The following VAMP3 variants were observed in gnomAD, a reference collection of about 807,000 sequenced individuals.
VAMP3 encodes vesicle-associated membrane protein 3.
In VAMP3, 11 loss-of-function variants were observed where a neutral mutation model predicts 18.1. The observed-to-expected ratio is 0.61, with a 90% CI of 0.38 to 1.00. The LOEUF is 1.00. Ranked by LOEUF, VAMP3 falls within the 50% of genes least tolerant of loss-of-function variation. VAMP3 has a pLI of 0.01. For missense variants in VAMP3, 122 were observed against 127.3 expected, an observed-to-expected ratio of 0.96 and a Z score of 0.20; for synonymous variants, 49 against 43.1, an observed-to-expected ratio of 1.14 and a Z score of -0.53.
chr1:7,773,534 A>G, intron 2 of VAMP3, 23 bp downstream of exon 2: 1 of 1,606,170 alleles, frequency 6.2e-7, no homozygotes, highest in African/African-American at 1.3e-5. Context: ...AATGTTGGAA[A>G]TATGAATTTT....
intron 4 of VAMP3, among the ~76,000 whole-genome samples, chr1:7,778,992 A>G (rs1395935215): frequency 3.3e-5 from 5 of 152,088 alleles, no homozygotes; most frequent in South Asian, 2.1e-4. Flanking sequence ...TCAGGAGATC[A>G]AGACCATCCT....
rs1169889315 is a variant in VAMP3 at position 7,781,349 on chromosome 1, C to T, written c.*1704C>T. The T allele has an allele frequency of 6.5e-6, 1 of 152,840 alleles. No homozygotes were observed. The allele number at this position is 152,840 out of a possible 1,614,324, so 9.5% of individuals were successfully genotyped here. On this transcript the variant is annotated 3_prime_UTR_variant, in exon 5 of 5. Coordinates refer to ENST00000054666, the MANE Select transcript of VAMP3 (RefSeq NM_004781.4). ...TGTAACCCACTGGCTCCTGCATTAA[C>T]CCAGAAATACCTCGCTTCTATCTGT...
At chr1:7,776,951 C>T (rs1420129272) in intron 2 of VAMP3, 6 of 367,298 alleles carry the variant, frequency 1.6e-5, no homozygotes, top group East Asian at 1.5e-4. Flanking sequence ...GGATTACAAG[C>T]GCCCAGCACC....
At position 7,771,363 on chromosome 1, in the gene VAMP3, G is replaced by A; in HGVS notation, c.-21G>A. 1 of 1,591,572 alleles carries A rather than the reference G, an allele frequency of 6.3e-7. No homozygotes were observed. Reference sequence around the variant, plus strand: ...CTGCTGACCCTCTCTCGTCGCCGCTGCCGCCGCCGCAGCTGCCAAAATGTG... The same window carrying A: ...CTGCTGACCCTCTCTCGTCGCCGCTACCGCCGCCGCAGCTGCCAAAATGTG... On this transcript the variant is annotated 5_prime_UTR_variant, in exon 1 of 5. Transcript: ENST00000054666.
At chr1:7,777,116 C>T (rs2097054662) in intron 2 of VAMP3, 44 bp from the exon 3 acceptor site, 1 of 1,571,150 alleles carries the variant, frequency 6.4e-7, no homozygotes, top group Non-Finnish European at 8.7e-7. Flanking sequence ...TGGCCCTGTT[C>T]CTCCATTCTT....
rs962835487 is a variant in VAMP3, at chr1:7,781,125, G to C, written c.*1480G>C. 6.5e-6 allele frequency: 1 copy of C among 152,808 alleles called. No individual in the cohort carries two copies. Among genetic ancestry groups the C allele is most frequent in the Non-Finnish European group, 1.5e-5 (1 of 68,054 alleles). 9.5% of individuals were successfully genotyped at this position (152,808 alleles called of 1,614,324 possible). The stretch of plus-strand genomic sequence containing the variant: ...AACAGCTGAGGCGCACCAGGACACA[G>C]CTTCCATTTCTTTAACGTCTGTTCC... On this transcript the variant is annotated 3_prime_UTR_variant, in exon 5 of 5. Transcript: ENST00000054666.
chr1:7,773,383 C>A, intron 1 of VAMP3, 59 bp from the exon 2 acceptor site: 1 of 1,420,022 alleles, frequency 7.0e-7, no homozygotes, highest in Non-Finnish European at 9.9e-7. Context: ...CATCTTTATA[C>A]TTAAGAAAAT....
chr1:7,771,862 C>T (rs2150364976), intron 1 of VAMP3, among the ~76,000 whole-genome samples: 1 of 152,370 alleles, frequency 6.6e-6, no homozygotes, highest in African/African-American at 2.4e-5. Context: ...GATCACTTAA[C>T]CGTGGGCCTT....
rs116988477 is a variant in VAMP3 at position 7,774,719 on chromosome 1, T to C, written c.72+1208T>C. 9.3e-4 allele frequency among the ~76,000 whole-genome samples: 141 copies of C among 152,388 alleles called. 1 individual carries two copies. In the East Asian group the frequency reaches 0.024, roughly 26 times the overall value. ...ACAAAGTTTTTTGCATTCATTCAAG[T>C]TGTAACGTGTTGTACCGTGTTCCTT... On this transcript the variant is annotated intron_variant, in intron 2 of 4. Coordinates refer to ENST00000054666, the MANE Select transcript of VAMP3 (RefSeq NM_004781.4).
chr1:7,771,368 C>T lies in VAMP3; in HGVS notation c.-16C>T, dbSNP rs1558351880. 5 of 1,593,088 alleles carry T rather than the reference C, an allele frequency of 3.1e-6. No individual in the cohort carries two copies. The highest frequency in any genetic ancestry group is 1.4e-5 in the African/African-American group (1 of 72,550). Reference sequence around the variant, plus strand: ...GACCCTCTCTCGTCGCCGCTGCCGCCGCCGCAGCTGCCAAAATGTGAGTGA... The same window carrying T: ...GACCCTCTCTCGTCGCCGCTGCCGCTGCCGCAGCTGCCAAAATGTGAGTGA... On this transcript the variant is annotated 5_prime_UTR_variant, in exon 1 of 5. Coordinates refer to ENST00000054666, the MANE Select transcript of VAMP3 (RefSeq NM_004781.4).
At position 7,771,332 on chromosome 1, in the gene VAMP3, G is replaced by C. The variant is rs1445806445; in HGVS notation, c.-52G>C. ...CTCCCTGGCCTCCGGTCCCAACTTC[G>C]CTTCTCTGCTGACCCTCTCTCGTCG... is the stretch of plus-strand genomic sequence containing the variant. On this transcript the variant is annotated 5_prime_UTR_variant, in exon 1 of 5. Coordinates refer to ENST00000054666, the MANE Select transcript of VAMP3 (RefSeq NM_004781.4). 1.3e-6 allele frequency: 2 copies of C among 1,593,562 alleles called. No homozygotes were observed. The highest frequency in any genetic ancestry group is 1.1e-5 in the South Asian group (1 of 89,756).
chr1:7,779,727 CCTA>C lies in VAMP3; in HGVS notation c.*85_*87del. The C allele has an allele frequency of 6.3e-7, 1 of 1,577,194 alleles. No homozygotes were observed. Among genetic ancestry groups the C allele is most frequent in the South Asian group, 1.2e-5 (1 of 86,628 alleles). On this transcript the variant is annotated 3_prime_UTR_variant, in exon 5 of 5. Transcript: ENST00000054666. ...AGAACCTGCTATATTATCAAGCTTACCTACTGTTATCTCTAAAATTTTTTTTGT... is the reference window on the plus strand; with the variant it reads ...AGAACCTGCTATATTATCAAGCTTACCTGTTATCTCTAAAATTTTTTTTGT...
chr1:7,774,509 G>GAA (rs1373072667), intron 2 of VAMP3, among the ~76,000 whole-genome samples: 3 of 152,066 alleles, frequency 2.0e-5, no homozygotes, highest in African/African-American at 7.2e-5. Flanking sequence ...TCCATTTTCA[G>GAA]AACTTTTTCA....
chr1:7,771,345 C>T lies in VAMP3; in HGVS notation c.-39C>T. ...GGTCCCAACTTCGCTTCTCTGCTGA[C>T]CCTCTCTCGTCGCCGCTGCCGCCGC... On this transcript the variant is annotated 5_prime_UTR_variant, in exon 1 of 5. Transcript: ENST00000054666. The T allele has an allele frequency of 1.3e-6, 2 of 1,593,656 alleles. No homozygotes were observed. Among genetic ancestry groups the T allele is most frequent in the Non-Finnish European group, 1.7e-6 (2 of 1,172,830 alleles).
chr1:7,773,439 C>T lies in VAMP3; in HGVS notation c.3-3C>T. On this transcript the variant is annotated splice_region_variant and splice_polypyrimidine_tract_variant and intron_variant, in intron 1 of 4. Transcript: ENST00000054666. Reference sequence around the variant, plus strand: ...CTCATGCTCATGCCTTTACATGTTCCAGGTCTACAGGTCCAACTGCTGCCA... The same window carrying T: ...CTCATGCTCATGCCTTTACATGTTCTAGGTCTACAGGTCCAACTGCTGCCA... The T allele has an allele frequency of 6.2e-7, 1 of 1,613,636 alleles. No homozygotes were observed. Among genetic ancestry groups the T allele is most frequent in the African/African-American group, 1.3e-5 (1 of 75,018 alleles).
At chr1:7,771,663 G>A (rs1201814737) in intron 1 of VAMP3, among the ~76,000 whole-genome samples, 1 of 152,192 alleles carries the variant, frequency 6.6e-6, no homozygotes, top group African/African-American at 2.4e-5. Flanking sequence ...CCCGCTCCTC[G>A]CCCCTTCCCT....
intron 2 of VAMP3, chr1:7,776,281 A>G (rs927228021): frequency 1.3e-5 from 2 of 152,214 alleles, no homozygotes; most frequent in African/African-American, 2.4e-5. Context: ...GTTAGATGCT[A>G]TTGTAAACAC....
chr1:7,778,202 G>T, intron 4 of VAMP3, 33 bp downstream of exon 4: 1 of 1,611,156 alleles, frequency 6.2e-7, no homozygotes, highest in African/African-American at 1.3e-5. Flanking sequence ...GATTGGAAAA[G>T]TCTTCTCCAT....
Position 7,773,369 on chromosome 1 carries a change from G to A in VAMP3, c.3-73G>A, listed in dbSNP as rs143028989. 61 of 1,250,104 alleles carry A rather than the reference G, an allele frequency of 4.9e-5. No homozygotes were observed. In the African/African-American group the frequency reaches 8.5e-4, roughly 17 times the overall value. 77.4% of individuals were successfully genotyped at this position (1,250,104 alleles called of 1,614,324 possible). ...GATTGTTAACAGTGAGAGTCCCGGA[G>A]TAACATCTTTATACTTAAGAAAATG... is the stretch of plus-strand genomic sequence containing the variant. On this transcript the variant is annotated intron_variant, in intron 1 of 4. Transcript: ENST00000054666.
Sources: allele counts gnomAD v4.1 joint callset (sites outside exome capture counted in the v4.1 genomes callset), GRCh38; gene constraint gnomAD v4.1.1; transcripts MANE v1.5; gene names NCBI Gene and HGNC (gene_info 2026-07-23, HGNC 2026-07-21).